The following HRH1 variants were observed in gnomAD, a reference collection of about 807,000 sequenced individuals.
The protein encoded by HRH1 is histamine H1 receptor.
In HRH1, 6 loss-of-function variants were observed where a neutral mutation model predicts 10.3. The observed-to-expected ratio is 0.58, with a 90% CI of 0.32 to 1.15. The LOEUF (loss-of-function observed/expected upper bound fraction) is 1.15, where lower values mean the gene tolerates loss of function less well. Among genes scored for constraint, HRH1 ranks in the 50% most tolerant of loss-of-function variants. HRH1 has a pLI of 0.05. For synonymous variants in HRH1, 242 were observed against 236.7 expected (o/e 1.02, Z -0.21); for missense variants, 514 against 615.3 (o/e 0.84, Z 1.74).
At chr3:11,257,385 G>A (rs759086511) in intron 1 of HRH1, among the ~76,000 whole-genome samples, 6 of 151,514 alleles carry the variant, frequency 4.0e-5, no homozygotes, top group Non-Finnish European at 5.9e-5. Context: ...GTGAAACCCC[G>A]TCTCTACTAA....
intron 1 of HRH1, among the ~76,000 whole-genome samples, chr3:11,172,704 CTT>C (rs537415650): frequency 1.5e-4 from 19 of 130,842 alleles, no homozygotes; most frequent in Non-Finnish European, 1.1e-4. Flanking sequence ...TTTGGCGAAT[CTT>C]TTTTTTTTTT....
chr3:11,250,532 G>T (rs1205034755), intron 1 of HRH1, among the ~76,000 whole-genome samples: 1 of 152,092 alleles, frequency 6.6e-6, no homozygotes, highest in Non-Finnish European at 1.5e-5. Context: ...TTCTGATAAG[G>T]ATGTGATCTC....
chr3:11,198,467 G>A (rs961923643), intron 1 of HRH1, among the ~76,000 whole-genome samples: 1 of 152,058 alleles, frequency 6.6e-6, no homozygotes, highest in East Asian at 1.9e-4. Context: ...TATAATAATC[G>A]CTGCTGTTCA....
intron 1 of HRH1, among the ~76,000 whole-genome samples, chr3:11,194,346 C>T (rs898582361): frequency 3.3e-5 from 5 of 152,096 alleles, no homozygotes; most frequent in Admixed American, 6.5e-5. Flanking sequence ...ATAACAATTC[C>T]CACCCTGTCT....
At chr3:11,245,110 T>C (rs1422481314) in intron 1 of HRH1, among the ~76,000 whole-genome samples, 1 of 152,132 alleles carries the variant, frequency 6.6e-6, no homozygotes, top group Admixed American at 6.6e-5. Flanking sequence ...CCCAGCACTT[T>C]GGGAGACCGA....
At chr3:11,252,681 T>C (rs1196987329) in intron 1 of HRH1, 2 of 152,248 alleles carry the variant, frequency 1.3e-5, no homozygotes, top group African/African-American at 4.8e-5. Flanking sequence ...GTATGACCTG[T>C]CTGGCTTCTT....
chr3:11,258,724 T>C (rs142765814), intron 1 of HRH1, among the ~76,000 whole-genome samples: 192 of 152,330 alleles, frequency 1.3e-3, no homozygotes, highest in Non-Finnish European at 1.3e-3. Context: ...TGCCCAACTC[T>C]CTCACTAGAA....
chr3:11,137,862 A>C (rs951087317), intron 1 of HRH1, among the ~76,000 whole-genome samples: 1 of 151,552 alleles, frequency 6.6e-6, no homozygotes, highest in South Asian at 2.1e-4. Flanking sequence ...TTATGGCGGG[A>C]GAGTATCTGG....
At chr3:11,198,599 C>T (rs1240142503) in intron 1 of HRH1, among the ~76,000 whole-genome samples, 1 of 151,922 alleles carries the variant, frequency 6.6e-6, no homozygotes, top group Non-Finnish European at 1.5e-5. Context: ...AGACTGGGCA[C>T]GGTAGTTCAC....
Position 11,260,220 on chromosome 3 carries a change from C to T in HRH1, c.1183C>T (p.Arg395Cys), listed in dbSNP as rs760694816. Residue 395 changes from arginine to cysteine, a missense_variant, in exon 2 of 2, where the codon CGC becomes TGC. By Grantham distance (180) the Arg-to-Cys change is radical. Coordinates refer to ENST00000431010, the MANE Select transcript of HRH1 (RefSeq NM_001098212.2). ...CATCAAGTTTACTTGGAAGAGGCTC[C>T]GCTCGCATTCAAGACAGTATGTATC... Reference protein sequence around the residue: ...DYIKFTWKRLRSHSRQYVSGL... With the variant: ...DYIKFTWKRLCSHSRQYVSGL... The T allele has an allele frequency of 2.0e-5, 33 of 1,614,060 alleles. No homozygotes were observed. In the Middle Eastern group the frequency reaches 1.8e-3, roughly 89 times the overall value.
intron 1 of HRH1, among the ~76,000 whole-genome samples, chr3:11,207,140 G>A (rs1286934644): frequency 6.6e-6 from 1 of 152,048 alleles, no homozygotes; most frequent in Non-Finnish European, 1.5e-5. Flanking sequence ...GGGTCTGAGG[G>A]TTGATGGTGG....
intron 1 of HRH1, among the ~76,000 whole-genome samples, chr3:11,222,282 G>A (rs2125040370): frequency 6.6e-6 from 1 of 152,256 alleles, no homozygotes; most frequent in South Asian, 2.1e-4. Flanking sequence ...TGCACAGCTG[G>A]AACTTCCCAG....
chr3:11,227,351 A>C (rs1938918484), intron 1 of HRH1, among the ~76,000 whole-genome samples: 1 of 150,144 alleles, frequency 6.7e-6, no homozygotes, highest in Non-Finnish European at 1.5e-5. Context: ...CCGTGACGTG[A>C]TATCAGCTCA....
chr3:11,259,561 G>C lies in HRH1; in HGVS notation c.524G>C (p.Arg175Pro). Reference protein sequence around the residue: ...WNHFMQQTSVRREDKCETDFY... With the variant: ...WNHFMQQTSVPREDKCETDFY... Reference sequence around the variant, plus strand: ...CACTTCATGCAGCAGACCTCGGTGCGCCGAGAGGACAAGTGTGAGACAGAC... The same window carrying C: ...CACTTCATGCAGCAGACCTCGGTGCCCCGAGAGGACAAGTGTGAGACAGAC... The change falls in exon 2 of 2, where the codon CGC becomes CCC. Residue 175 changes from arginine (R) to proline (P), a missense_variant. By Grantham distance (103) the Arg-to-Pro change is moderately radical. Transcript: ENST00000431010. The surrounding 1 kb of genome is among the most constrained non-coding windows in gnomAD (Gnocchi z 4.6). 1 of 1,613,898 alleles carries C rather than the reference G, an allele frequency of 6.2e-7. No individual in the cohort carries two copies. Among genetic ancestry groups the C allele is most frequent in the Non-Finnish European group, 8.5e-7 (1 of 1,179,938 alleles).
chr3:11,185,949 A>G (rs1435730761), intron 1 of HRH1, among the ~76,000 whole-genome samples: 4 of 152,136 alleles, frequency 2.6e-5, no homozygotes, highest in African/African-American at 9.7e-5. Flanking sequence ...GCCTCCCAGC[A>G]ATGGCATCAC....
intron 1 of HRH1, among the ~76,000 whole-genome samples, chr3:11,170,692 A>G (rs894921723): frequency 3.3e-5 from 5 of 152,248 alleles, no homozygotes; most frequent in Non-Finnish European, 7.3e-5. Context: ...TTACGAGCAC[A>G]CAGAAGTCGG....
chr3:11,207,729 A>G lies in HRH1; in HGVS notation c.-35-51274A>G, dbSNP rs181048892. Among the ~76,000 whole-genome samples, 379 of 152,272 alleles carry G rather than the reference A, an allele frequency of 2.5e-3. 3 individuals carry two copies. The highest frequency in any genetic ancestry group is 8.3e-3 in the African/African-American group (346 of 41,554). ...CTTCCCTCCTAGGGTGATTCTGAGA[A>G]GGTGTGCAAGAAATTTCAGCTCAGT... On this transcript the variant is annotated intron_variant, in intron 1 of 1. Coordinates refer to ENST00000431010, the MANE Select transcript of HRH1 (RefSeq NM_001098212.2).
intron 1 of HRH1, among the ~76,000 whole-genome samples, chr3:11,219,678 A>G (rs1016226281): frequency 2.1e-5 from 3 of 141,076 alleles, no homozygotes; most frequent in African/African-American, 8.2e-5. Context: ...ATGCCACTGC[A>G]CTCCAGCTCG....
intron 1 of HRH1, among the ~76,000 whole-genome samples, chr3:11,173,442 G>C (rs868632705): frequency 2.0e-5 from 3 of 151,086 alleles, no homozygotes; most frequent in Non-Finnish European, 3.0e-5. Context: ...TCGCTCTGTC[G>C]CCCAGGCTGG....
Sources: allele counts gnomAD v4.1 joint callset (sites outside exome capture counted in the v4.1 genomes callset), GRCh38; gene constraint gnomAD v4.1.1; non-coding constraint Gnocchi (gnomAD v3.1); transcripts MANE v1.5; gene names NCBI Gene and HGNC (gene_info 2026-07-23, HGNC 2026-07-21).